The following SLC35F3 variants were observed in gnomAD, a reference collection of about 807,000 sequenced individuals.
SLC35F3 encodes the protein solute carrier family 35 member F3.
Under a neutral mutation model 49.9 loss-of-function variants are expected in SLC35F3, and 25 were observed. That is an observed-to-expected ratio of 0.50 (90% CI 0.37 to 0.70). The LOEUF is 0.70. Among genes scored for constraint, SLC35F3 ranks in the 30% least tolerant of loss-of-function variants. SLC35F3 has a pLI of 0.00. For synonymous variants in SLC35F3, 275 were observed against 265.4 expected, an observed-to-expected ratio of 1.04 and a Z score of -0.35; for missense variants, 525 against 639.8, an observed-to-expected ratio of 0.82 and a Z score of 1.94.
intron 2 of SLC35F3, among the ~76,000 whole-genome samples, chr1:234,152,048 C>A (rs1666082231): frequency 6.6e-6 from 1 of 150,668 alleles, no homozygotes; most frequent in African/African-American, 2.4e-5. Context: ...TAATAACCCC[C>A]AAATGACCAA....
At chr1:234,049,108 A>C (rs1664335906) in intron 2 of SLC35F3, among the ~76,000 whole-genome samples, 1 of 152,178 alleles carries the variant, frequency 6.6e-6, no homozygotes, top group South Asian at 2.1e-4. Flanking sequence ...TTGATGCTGA[A>C]ATTAGTTAAG....
chr1:234,276,601 T>G (rs1267649220), intron 3 of SLC35F3, among the ~76,000 whole-genome samples: 1 of 152,152 alleles, frequency 6.6e-6, no homozygotes, highest in Non-Finnish European at 1.5e-5. Flanking sequence ...CCTGGCCCAG[T>G]GCCTGAGACA....
At chr1:234,237,741 C>T (rs1572109122) in intron 3 of SLC35F3, among the ~76,000 whole-genome samples, 1 of 152,312 alleles carries the variant, frequency 6.6e-6, no homozygotes, top group East Asian at 1.9e-4. Context: ...CCTTCTCTGT[C>T]TCAGGTGCTG....
intron 2 of SLC35F3, among the ~76,000 whole-genome samples, chr1:233,947,751 GGA>G (rs149887381): frequency 4.8e-5 from 7 of 146,838 alleles, no homozygotes; most frequent in Non-Finnish European, 7.6e-5. Context: ...GTAAGAGGGA[GGA>G]GAGAGAGAGA....
At chr1:234,101,927 G>T (rs1266516312) in intron 2 of SLC35F3, among the ~76,000 whole-genome samples, 1 of 152,220 alleles carries the variant, frequency 6.6e-6, no homozygotes, top group African/African-American at 2.4e-5. Flanking sequence ...GGCATGTTCT[G>T]CCTCCGATTC....
chr1:233,948,257 A>AGAC (rs1553290052), intron 2 of SLC35F3, among the ~76,000 whole-genome samples: 2 of 121,536 alleles, frequency 1.6e-5, no homozygotes. Flanking sequence ...GAGAGAGAGA[A>AGAC]TGTGTGAATG....
intron 2 of SLC35F3, among the ~76,000 whole-genome samples, chr1:234,045,923 T>C (rs779884894): frequency 1.8e-4 from 27 of 152,146 alleles, no homozygotes; most frequent in Non-Finnish European, 1.2e-4. Flanking sequence ...TTTAGCAATA[T>C]CCTTGTTCAA....
chr1:233,961,188 A>AT (rs1662794602), intron 2 of SLC35F3, among the ~76,000 whole-genome samples: 1 of 152,068 alleles, frequency 6.6e-6, no homozygotes, highest in Non-Finnish European at 1.5e-5. Flanking sequence ...ATATAGATAT[A>AT]ACCTACGAGT....
chr1:233,911,646 C>T (rs529015248), intron 2 of SLC35F3, among the ~76,000 whole-genome samples: 12 of 152,306 alleles, frequency 7.9e-5, no homozygotes, highest in East Asian at 3.9e-4. Flanking sequence ...AGAAATCCCT[C>T]GTGCCTATTA....
intron 2 of SLC35F3, among the ~76,000 whole-genome samples, chr1:234,084,030 G>T (rs1664923050): frequency 6.6e-6 from 1 of 151,846 alleles, no homozygotes; most frequent in Non-Finnish European, 1.5e-5. Context: ...GTAGAGATGG[G>T]GTTTCTCCAT....
At chr1:234,051,699 A>G (rs1033526274) in intron 2 of SLC35F3, among the ~76,000 whole-genome samples, 33 of 152,118 alleles carry the variant, frequency 2.2e-4, no homozygotes, top group African/African-American at 6.3e-4. Flanking sequence ...GGTGAGAGAG[A>G]GCATCCCTGT....
chr1:234,147,267 G>A (rs6662794), intron 2 of SLC35F3, among the ~76,000 whole-genome samples: 9,780 of 138,328 alleles, frequency 0.071, 556 homozygotes, highest in African/African-American at 0.15. Context: ...AAATCATAGT[G>A]TAAAATATTG....
intron 2 of SLC35F3, among the ~76,000 whole-genome samples, chr1:234,087,303 A>G (rs1664975582): frequency 6.6e-6 from 1 of 152,212 alleles, no homozygotes; most frequent in South Asian, 2.1e-4. Flanking sequence ...ATCTGTGACA[A>G]TGATTAAATA....
At chr1:234,072,492 G>A (rs1000336754) in intron 2 of SLC35F3, among the ~76,000 whole-genome samples, 9 of 152,234 alleles carry the variant, frequency 5.9e-5, no homozygotes, top group African/African-American at 2.2e-4. Context: ...AATTAAATAT[G>A]TAACATGTTA....
intron 2 of SLC35F3, among the ~76,000 whole-genome samples, chr1:234,199,898 C>T (rs1666876295): frequency 6.6e-6 from 1 of 152,170 alleles, no homozygotes; most frequent in Non-Finnish European, 1.5e-5. Flanking sequence ...AAATGCTCAA[C>T]ATCTCTATCA....
At chr1:233,955,462 A>G (rs1340031122) in intron 2 of SLC35F3, among the ~76,000 whole-genome samples, 1 of 151,998 alleles carries the variant, frequency 6.6e-6, no homozygotes, top group Non-Finnish European at 1.5e-5. Flanking sequence ...TCATCCTCCT[A>G]CAACCTGCAT....
intron 3 of SLC35F3, among the ~76,000 whole-genome samples, chr1:234,299,823 A>G (rs199534394): frequency 2.0e-5 from 3 of 150,414 alleles, no homozygotes; most frequent in East Asian, 1.9e-4. Context: ...AAAAAAAAAA[A>G]AGAGAAGAAA....
rs1558110802 is a variant in SLC35F3, at chr1:234,323,079, G to A, written c.1309G>A (p.Gly437Ser). Reference sequence around the variant, plus strand: ...CATCGCCATCATCATCATCGGCCTGGGTTTTCTCCTCCTGCTCCTGCCAGA... The same window carrying A: ...CATCGCCATCATCATCATCGGCCTGAGTTTTCTCCTCCTGCTCCTGCCAGA... ...RVIAIIIIGL[G>S]FLLLLLPEEW... The change falls in exon 8 of 8, where the codon GGT becomes AGT. Residue 437 changes from glycine to serine, a missense_variant. By Grantham distance (56) the Gly-to-Ser change is moderately conservative. Transcript: ENST00000366618. This position sits in a 1 kb window ranked among gnomAD's most constrained non-coding sequence, Gnocchi z 4.5. 1 of 1,614,080 alleles carries A rather than the reference G, an allele frequency of 6.2e-7. No individual in the cohort carries two copies. The highest frequency in any genetic ancestry group is 8.5e-7 in the Non-Finnish European group (1 of 1,180,032).
At chr1:234,277,693 C>T (rs1400852037) in intron 3 of SLC35F3, among the ~76,000 whole-genome samples, 1 of 152,194 alleles carries the variant, frequency 6.6e-6, no homozygotes, top group Non-Finnish European at 1.5e-5. Flanking sequence ...GTACAGATTC[C>T]TATTGTTCTC....
Sources: gnomAD v4.1 joint callset for allele counts (sites outside exome capture counted in the v4.1 genomes callset) on GRCh38, gnomAD v4.1.1 for gene constraint, Gnocchi (gnomAD v3.1) non-coding constraint, MANE v1.5 for transcripts, NCBI Gene and HGNC (gene_info 2026-07-23, HGNC 2026-07-21) for gene names.